The following PAPPA2 variants were observed in gnomAD, a reference collection of about 807,000 sequenced individuals.
The protein encoded by PAPPA2 is pappalysin-2.
A neutral mutation model predicts 176.4 loss-of-function variants in PAPPA2; 86 were observed. That is an observed-to-expected ratio of 0.49 (90% CI 0.41 to 0.58). The LOEUF (loss-of-function observed/expected upper bound fraction) is 0.58. Ranked by LOEUF, PAPPA2 falls within the 20% of genes least tolerant of loss-of-function variation. PAPPA2 has a pLI of 0.00. For synonymous variants in PAPPA2, 809 were observed against 852.2 expected, an observed-to-expected ratio of 0.95 and a Z score of 0.88; for missense variants, 2,073 against 2,256.9, an observed-to-expected ratio of 0.92 and a Z score of 1.65.
rs1303408477 is a variant in PAPPA2 at position 176,590,913 on chromosome 1, C to T, written c.920-3611C>T. 5.3e-5 allele frequency among the ~76,000 whole-genome samples: 8 copies of T among 152,108 alleles called. 1 individual carries two copies. The highest frequency in any genetic ancestry group is 2.9e-5 in the Non-Finnish European group (2 of 68,012). On this transcript the variant is annotated intron_variant, in intron 2 of 22. Coordinates refer to ENST00000367662, the MANE Select transcript of PAPPA2 (RefSeq NM_020318.3). ...AGTCTGACACCTAATCTCTCAGAAC[C>T]TCAGTGTCTGCATCTATAAAATAAG...
At chr1:176,769,226 A>T (rs1209223985) in intron 15 of PAPPA2, among the ~76,000 whole-genome samples, 1 of 152,208 alleles carries the variant, frequency 6.6e-6, no homozygotes, top group African/African-American at 2.4e-5. Flanking sequence ...CAGGCTGCTG[A>T]CACTGTGTCC....
intron 22 of PAPPA2, among the ~76,000 whole-genome samples, chr1:176,841,120 A>G (rs1382591147): frequency 1.3e-5 from 2 of 152,170 alleles, no homozygotes; most frequent in Admixed American, 6.5e-5. Context: ...TCATATCACT[A>G]TTTAATTTGG....
intron 17 of PAPPA2, among the ~76,000 whole-genome samples, chr1:176,787,832 G>A (rs892979975): frequency 2.6e-5 from 4 of 151,832 alleles, no homozygotes; most frequent in South Asian, 2.1e-4. Context: ...AGGCTGAGGC[G>A]GGTGGATCAC....
At chr1:176,700,046 A>G (rs1264622434) in intron 8 of PAPPA2, among the ~76,000 whole-genome samples, 1 of 152,206 alleles carries the variant, frequency 6.6e-6, no homozygotes, top group African/African-American at 2.4e-5. Flanking sequence ...TCCATGACTC[A>G]TTCATGATAT....
chr1:176,613,029 GT>G (rs1655018900), intron 3 of PAPPA2, among the ~76,000 whole-genome samples: 1 of 152,120 alleles, frequency 6.6e-6, no homozygotes, highest in Admixed American at 6.5e-5. Context: ...ATTAGAAAAA[GT>G]TTTTCCTGGT....
chr1:176,778,576 A>G (rs778579613), intron 17 of PAPPA2, among the ~76,000 whole-genome samples: 19 of 152,208 alleles, frequency 1.2e-4, no homozygotes, highest in Non-Finnish European at 2.8e-4. Context: ...AAACTCATTA[A>G]GTATCCTGGA....
chr1:176,722,550 G>C (rs1005818196), intron 12 of PAPPA2, among the ~76,000 whole-genome samples: 3 of 150,750 alleles, frequency 2.0e-5, no homozygotes, highest in Admixed American at 6.7e-5. Flanking sequence ...CATCAGCAGT[G>C]TGTCTGCTAA....
intron 1 of PAPPA2, among the ~76,000 whole-genome samples, chr1:176,521,802 A>T (rs1649229099): frequency 6.6e-6 from 1 of 152,176 alleles, no homozygotes; most frequent in Non-Finnish European, 1.5e-5. Context: ...TGCATGAGGA[A>T]TGCCTTCGAG....
chr1:176,657,886 A>T (rs1369995591), intron 3 of PAPPA2, among the ~76,000 whole-genome samples: 4 of 151,984 alleles, frequency 2.6e-5, no homozygotes, highest in Non-Finnish European at 2.9e-5. Flanking sequence ...CTACAGCAGG[A>T]TAATATCAGT....
intron 16 of PAPPA2, 37 bp from the exon 17 acceptor site, chr1:176,770,930 G>C (rs1160484737): frequency 1.3e-6 from 2 of 1,589,984 alleles, no homozygotes; most frequent in Non-Finnish European, 1.7e-6. Flanking sequence ...TGGGCTCTCT[G>C]TTCTGAGCAT....
intron 21 of PAPPA2, among the ~76,000 whole-genome samples, chr1:176,822,131 G>A (rs1666689720): frequency 2.0e-5 from 3 of 152,126 alleles, no homozygotes; most frequent in South Asian, 4.2e-4. Context: ...AGTGGGAGGT[G>A]CATAAAGCCC....
chr1:176,590,958 C>T (rs1047819786), intron 2 of PAPPA2, among the ~76,000 whole-genome samples: 4 of 152,054 alleles, frequency 2.6e-5, no homozygotes, highest in Admixed American at 2.6e-4. Context: ...AATAACTCCA[C>T]CTGGCTCAGA....
chr1:176,706,848 T>C (rs1213823992), intron 10 of PAPPA2, among the ~76,000 whole-genome samples: 1 of 152,204 alleles, frequency 6.6e-6, no homozygotes, highest in Admixed American at 6.5e-5. Flanking sequence ...TCAAATGGAC[T>C]CTACATACAA....
rs1408878848 is a variant in PAPPA2, at chr1:176,519,954, A to C, written c.-916-35453A>C. Among the ~76,000 whole-genome samples, 3 of 152,144 alleles carry C rather than the reference A, an allele frequency of 2.0e-5. No homozygotes were observed. In the East Asian group the frequency reaches 5.8e-4, roughly 29 times the overall value. ...GTGAGCAAGGAGCAGAGAAGTTAGC[A>C]CTGAGAAGCTTGGACTGGGAAAAGC... On this transcript the variant is annotated intron_variant, in intron 1 of 22. Transcript: ENST00000367662.
Position 176,594,839 on chromosome 1 carries a change from G to T in PAPPA2, c.1235G>T (p.Ser412Ile). 6.2e-7 allele frequency: 1 copy of T among 1,614,232 alleles called. No homozygotes were observed. ...SCRSLLLGGD[S>I]SEDGHYFRGH... ...CGCTCTTTGCTCCTGGGGGGAGACA[G>T]CTCTGAGGATGGGCACTATTTCCGT... is the stretch of plus-strand genomic sequence containing the variant. The change falls in exon 3 of 23, where the codon AGC becomes ATC. Residue 412 changes from serine (S) to isoleucine (I), a missense_variant. This residue lies in a region of PAPPA2 where 1,196 missense variants were observed against 1,330.4 expected (regional missense o/e 0.90). Coordinates refer to ENST00000367662, the MANE Select transcript of PAPPA2 (RefSeq NM_020318.3).
chr1:176,464,435 G>A (rs560867992), intron 1 of PAPPA2, among the ~76,000 whole-genome samples: 2 of 152,210 alleles, frequency 1.3e-5, no homozygotes, highest in Non-Finnish European at 1.5e-5. Flanking sequence ...TAGTCACACA[G>A]GGCCCTACAC....
intron 17 of PAPPA2, among the ~76,000 whole-genome samples, chr1:176,777,854 C>T (rs1459878209): frequency 6.6e-6 from 1 of 152,010 alleles, no homozygotes; most frequent in East Asian, 1.9e-4. Context: ...TTACCATCAT[C>T]ATCATCACCA....
intron 12 of PAPPA2, among the ~76,000 whole-genome samples, chr1:176,723,713 A>G (rs559525813): frequency 6.6e-6 from 1 of 152,306 alleles, no homozygotes; most frequent in South Asian, 2.1e-4. Context: ...CTATCATTTT[A>G]GTCTACATTT....
At chr1:176,635,563 A>G (rs192956144) in intron 3 of PAPPA2, among the ~76,000 whole-genome samples, 3 of 152,218 alleles carry the variant, frequency 2.0e-5, no homozygotes, top group Admixed American at 2.0e-4. Flanking sequence ...CAATAGTTCC[A>G]TCTCTAAGAT....
Sources: gnomAD v4.1 joint callset for allele counts (sites outside exome capture counted in the v4.1 genomes callset) on GRCh38, gnomAD v4.1.1 for gene constraint, gnomAD v4.1.1 regional missense constraint, MANE v1.5 for transcripts, NCBI Gene and HGNC (gene_info 2026-07-23, HGNC 2026-07-21) for gene names.